Variants in PRSS35 observed in about 807,000 individuals in gnomAD.
PRSS35 encodes serine protease 35, also known as inactive serine protease 35.
PRSS35 carries 7 observed loss-of-function variants against 8.1 expected under a neutral mutation model. That is an observed-to-expected ratio of 0.86 (90% CI 0.49 to 1.62). The LOEUF (loss-of-function observed/expected upper bound fraction) is 1.62. Among genes scored for constraint, PRSS35 ranks in the 40% most tolerant of loss-of-function variants. The pLI is 0.00. For synonymous variants in PRSS35, 199 were observed against 188.7 expected, an observed-to-expected ratio of 1.05 and a Z score of -0.45; for missense variants, 566 against 518.0, an observed-to-expected ratio of 1.09 and a Z score of -0.90.
chr6:83,524,610 G>A lies in PRSS35; in HGVS notation c.1169G>A (p.Arg390His). Residue 390 changes from arginine (R) to histidine (H), a missense_variant, in exon 2 of 2, where the codon CGC (arginine) becomes CAC (histidine). Physicochemically the swap from Arg to His is conservative, Grantham distance 29. Transcript: ENST00000369700. ...GVQKDYNVAV[R>H]ITPLKYAQIC... ...CAGAAGGACTACAACGTTGCTGTTC[G>A]CATCACTCCCCTAAAATACGCCCAG... is the stretch of plus-strand genomic sequence containing the variant. 2 of 1,614,062 alleles carry A rather than the reference G, an allele frequency of 1.2e-6. No homozygotes were observed. Among genetic ancestry groups the A allele is most frequent in the East Asian group, 2.2e-5 (1 of 44,872 alleles).
chr6:83,518,950 A>G (rs1373824555), intron 1 of PRSS35, among the ~76,000 whole-genome samples: 1 of 152,126 alleles, frequency 6.6e-6, no homozygotes, highest in Non-Finnish European at 1.5e-5. Flanking sequence ...GCCCACATGC[A>G]CATGCCTCAT....
At chr6:83,517,291 C>T (rs1194221522) in intron 1 of PRSS35, among the ~76,000 whole-genome samples, 1 of 152,160 alleles carries the variant, frequency 6.6e-6, no homozygotes. Context: ...ATCATTGAAA[C>T]ACCCTAGTTC....
In PRSS35 at chr6:83,523,942, T is replaced by G; in HGVS notation, c.501T>G (p.Ala167=). The G allele has an allele frequency of 1.2e-6, 2 of 1,614,196 alleles. No homozygotes were observed. Among genetic ancestry groups the G allele is most frequent in the Non-Finnish European group, 1.7e-6 (2 of 1,180,032 alleles). Residue 167 remains alanine (A), a synonymous_variant, in exon 2 of 2, where the codon GCT becomes GCG. Transcript: ENST00000369700. ...ILISPQHVLT[A]AHCVHDGKDY... ...TTTCCCCTCAGCATGTTCTAACTGCTGCCCACTGTGTTCATGATGGAAAGG... is the reference window on the plus strand; with the variant it reads ...TTTCCCCTCAGCATGTTCTAACTGCGGCCCACTGTGTTCATGATGGAAAGG...
At position 83,524,190 on chromosome 6, in the gene PRSS35, A is replaced by T; in HGVS notation, c.749A>T (p.Gln250Leu). The change falls in exon 2 of 2, where the codon CAG (glutamine) becomes CTG (leucine). Residue 250 changes from glutamine (Q) to leucine (L), a missense_variant. Transcript: ENST00000369700. Reference sequence around the variant, plus strand: ...ATTGCCGAAGGGAGGCCTTCCTTTCAGTGGACCCGGGTCAAGAATACCCAC... The same window carrying T: ...ATTGCCGAAGGGAGGCCTTCCTTTCTGTGGACCCGGGTCAAGAATACCCAC... ...QRIAEGRPSFQWTRVKNTHIP... is the reference protein window; with the variant it reads ...QRIAEGRPSFLWTRVKNTHIP... The T allele has an allele frequency of 6.2e-7, 1 of 1,614,098 alleles. No homozygotes were observed. Among genetic ancestry groups the T allele is most frequent in the Non-Finnish European group, 8.5e-7 (1 of 1,180,016 alleles).
At chr6:83,522,098 T>C (rs1412202701) in intron 1 of PRSS35, among the ~76,000 whole-genome samples, 4 of 152,032 alleles carry the variant, frequency 2.6e-5, no homozygotes, top group African/African-American at 4.8e-5. Flanking sequence ...TGCTTTCTTT[T>C]CCATGCAAAA....
At chr6:83,521,718 T>C (rs1771825883) in intron 1 of PRSS35, among the ~76,000 whole-genome samples, 1 of 152,014 alleles carries the variant, frequency 6.6e-6, no homozygotes, top group African/African-American at 2.4e-5. Flanking sequence ...CCCAATCTGG[T>C]CTTGAATTCC....
chr6:83,523,333 G>T (rs757295566), intron 1 of PRSS35, 89 bp from the exon 2 acceptor site: 6 of 960,606 alleles, frequency 6.2e-6, no homozygotes, highest in Non-Finnish European at 7.8e-6. Flanking sequence ...TGTGGTGAAG[G>T]TACATTTAGG....
intron 1 of PRSS35, among the ~76,000 whole-genome samples, chr6:83,518,989 C>G (rs1771772286): frequency 6.6e-6 from 1 of 152,152 alleles, no homozygotes; most frequent in Non-Finnish European, 1.5e-5. Flanking sequence ...TGAACCCAAG[C>G]CTTCCCACTC....
rs113148049 is a variant in PRSS35 at position 83,521,427 on chromosome 6, C to T, written c.-20-1995C>T. The stretch of plus-strand genomic sequence containing the variant: ...TGATGATATAATTACTGTTTTGCAG[C>T]GGTGACTATTAGAAAATATTGTGAC... On this transcript the variant is annotated intron_variant, in intron 1 of 1. Transcript: ENST00000369700. 4.3e-3 allele frequency among the ~76,000 whole-genome samples: 660 copies of T among 152,062 alleles called. 1 individual carries two copies. Among genetic ancestry groups the T allele is most frequent in the African/African-American group, 0.015 (609 of 41,484 alleles).
chr6:83,518,873 C>A (rs1771770853), intron 1 of PRSS35, among the ~76,000 whole-genome samples: 1 of 151,746 alleles, frequency 6.6e-6, no homozygotes, highest in Non-Finnish European at 1.5e-5. Context: ...GTTATGAAGT[C>A]GAAATTACTA....
rs745812378 is a variant in PRSS35, at chr6:83,523,545, C to G, written c.104C>G (p.Pro35Arg). The stretch of plus-strand genomic sequence containing the variant: ...TTTATGTGGCACTTGAGAAAGGTAC[C>G]CCGGATTGTCAGTGAAAGGACTTTC... ...WDFMWHLRKV[P>R]RIVSERTFHL... The change falls in exon 2 of 2, where the codon CCC (proline) becomes CGC (arginine). Residue 35 changes from proline to arginine, a missense_variant. Coordinates refer to ENST00000369700, the MANE Select transcript of PRSS35 (RefSeq NM_153362.3). 1.9e-5 allele frequency: 30 copies of G among 1,614,026 alleles called. No homozygotes were observed. The Admixed American group carries it at 4.8e-4, about 26-fold the overall frequency.
chr6:83,520,606 C>A (rs978375245), intron 1 of PRSS35, among the ~76,000 whole-genome samples: 11 of 152,160 alleles, frequency 7.2e-5, no homozygotes, highest in African/African-American at 2.7e-4. Flanking sequence ...ATGCCTATAT[C>A]ATTGGTATTG....
intron 1 of PRSS35, among the ~76,000 whole-genome samples, chr6:83,517,868 G>C (rs1353957178): frequency 6.6e-6 from 1 of 152,154 alleles, no homozygotes; most frequent in African/African-American, 2.4e-5. Flanking sequence ...TGGCCCTATG[G>C]GGTCATTGAT....
Position 83,524,268 on chromosome 6 carries a change from AC to A in PRSS35, c.828del (p.Tyr277MetfsTer6). 2 of 1,614,148 alleles carry A rather than the reference AC, an allele frequency of 1.2e-6. No individual in the cohort carries two copies. The highest frequency in any genetic ancestry group is 1.7e-6 in the Non-Finnish European group (2 of 1,180,024). On this transcript the variant is annotated frameshift_variant, in exon 2 of 2. Transcript: ENST00000369700. LOFTEE classifies it high-confidence loss of function. The stretch of plus-strand genomic sequence containing the variant: ...ATGGGGGACGCTACCTTGGACTATG[AC>A]TATGCTCTTCTGGAGCTGAAGCGTG... ...GGMGDATLDY[D>X]YALLELKRAH...
At chr6:83,513,042 A>G (rs1583456146) in intron 1 of PRSS35, among the ~76,000 whole-genome samples, 1 of 152,342 alleles carries the variant, frequency 6.6e-6, no homozygotes. Flanking sequence ...TGGCGGGGTT[A>G]CTATGAAAGC....
chr6:83,518,538 T>C (rs1771764310), intron 1 of PRSS35, among the ~76,000 whole-genome samples: 2 of 152,092 alleles, frequency 1.3e-5, no homozygotes, highest in Admixed American at 1.3e-4. Flanking sequence ...TGGATATTCA[T>C]AGAAATGAGT....
intron 1 of PRSS35, among the ~76,000 whole-genome samples, chr6:83,520,139 A>G (rs1166160512): frequency 6.6e-6 from 1 of 152,194 alleles, no homozygotes; most frequent in African/African-American, 2.4e-5. Context: ...GTTATTTGAT[A>G]TTGTCAGTTG....
In PRSS35 at chr6:83,524,235, G is replaced by A. The variant is rs574996749; in HGVS notation, c.794G>A (p.Arg265Gln). Residue 265 changes from arginine (R) to glutamine (Q), a missense_variant, in exon 2 of 2, where the codon CGA (arginine) becomes CAA (glutamine). By Grantham distance (43) the Arg-to-Gln change is conservative. Transcript: ENST00000369700. ...ACCCACATTCCGAAGGGCTGGGCACGAGGAGGCATGGGGGACGCTACCTTG... is the reference window on the plus strand; with the variant it reads ...ACCCACATTCCGAAGGGCTGGGCACAAGGAGGCATGGGGGACGCTACCTTG... Reference protein sequence around the residue: ...KNTHIPKGWARGGMGDATLDY... With the variant: ...KNTHIPKGWAQGGMGDATLDY... 6 of 1,613,994 alleles carry A rather than the reference G, an allele frequency of 3.7e-6. No homozygotes were observed. Among genetic ancestry groups the A allele is most frequent in the Non-Finnish European group, 5.1e-6 (6 of 1,180,036 alleles).
Position 83,516,327 on chromosome 6 carries a change from C to G in PRSS35, c.-21+3633C>G, listed in dbSNP as rs185408648. ...CGGTGGCTCACGCCTGTAATCCCAG[C>G]ACTTTGGGAGGCCGAGATGGGCGGA... On this transcript the variant is annotated intron_variant, in intron 1 of 1. Transcript: ENST00000369700. Among the ~76,000 whole-genome samples, 1,213 of 151,970 alleles carry G rather than the reference C, an allele frequency of 8.0e-3. 15 individuals carry two copies. The highest frequency in any genetic ancestry group is 0.028 in the African/African-American group (1,148 of 41,480).
Sources: allele counts gnomAD v4.1 joint callset (sites outside exome capture counted in the v4.1 genomes callset), GRCh38; gene constraint gnomAD v4.1.1; transcripts MANE v1.5; gene names NCBI Gene and HGNC (gene_info 2026-07-23, HGNC 2026-07-21).